The following MIB1 variants were observed in gnomAD, a reference collection of about 807,000 sequenced individuals.
MIB1 encodes the protein E3 ubiquitin-protein ligase MIB1.
MIB1 carries 278 observed loss-of-function variants against 124.5 expected under a neutral mutation model. That is an observed-to-expected ratio of 2.23 (90% CI 2.02 to 2.47). MIB1 has a LOEUF of 2.47. MIB1 is among the 30% of genes most tolerant of loss of function. MIB1 has a pLI of 0.00. For missense variants in MIB1, 957 were observed against 1,254.4 expected (o/e 0.76, Z 3.58); for synonymous variants, 446 against 429.4 (o/e 1.04, Z -0.48).
chr18:21,728,420 G>T (rs970593022), intron 1 of MIB1, among the ~76,000 whole-genome samples: 10 of 152,134 alleles, frequency 6.6e-5, no homozygotes, highest in Non-Finnish European at 1.0e-4. Context: ...TTGAACCCGG[G>T]AGGTGGAGGT....
intron 12 of MIB1, among the ~76,000 whole-genome samples, chr18:21,837,229 C>T (rs2042041446): frequency 6.6e-6 from 1 of 152,160 alleles, no homozygotes; most frequent in East Asian, 1.9e-4. Flanking sequence ...TAATAAAAGG[C>T]CGGGCGCAGT....
At chr18:21,734,780 C>T (rs940698424) in intron 1 of MIB1, among the ~76,000 whole-genome samples, 14 of 152,290 alleles carry the variant, frequency 9.2e-5, no homozygotes, top group Middle Eastern at 3.4e-3. Flanking sequence ...CCATCCGCCT[C>T]GGCCTCCCAC....
chr18:21,822,499 G>A (rs911998223), intron 12 of MIB1, among the ~76,000 whole-genome samples: 1 of 152,124 alleles, frequency 6.6e-6, no homozygotes, highest in African/African-American at 2.4e-5. Flanking sequence ...ACAAAGTAGT[G>A]CTTCAGTTAA....
At chr18:21,844,548 A>G (rs373730139) in intron 15 of MIB1, among the ~76,000 whole-genome samples, 1 of 151,748 alleles carries the variant, frequency 6.6e-6, no homozygotes, top group Non-Finnish European at 1.5e-5. Flanking sequence ...TCTTGCCTCA[A>G]CCTCCCAAGT....
intron 13 of MIB1, among the ~76,000 whole-genome samples, chr18:21,842,756 A>T (rs2042102712): frequency 6.6e-6 from 1 of 152,100 alleles, no homozygotes; most frequent in Non-Finnish European, 1.5e-5. Flanking sequence ...CAGTATGAAG[A>T]CTCATTATTA....
intron 12 of MIB1, among the ~76,000 whole-genome samples, chr18:21,821,220 A>G (rs930717952): frequency 2.6e-5 from 4 of 152,124 alleles, no homozygotes; most frequent in Non-Finnish European, 4.4e-5. Context: ...TACATTTACA[A>G]ATTATCCATT....
At chr18:21,779,784 A>G in intron 6 of MIB1, 99 bp downstream of exon 6, 1 of 929,518 alleles carries the variant, frequency 1.1e-6, no homozygotes, top group Non-Finnish European at 1.7e-6. Flanking sequence ...AATACTCATT[A>G]AAGCTAGCTT....
At chr18:21,820,095 A>G (rs2041865657) in intron 12 of MIB1, among the ~76,000 whole-genome samples, 1 of 152,206 alleles carries the variant, frequency 6.6e-6, no homozygotes, top group Non-Finnish European at 1.5e-5. Flanking sequence ...CTATCCCCTC[A>G]TCCATTGTTA....
rs62090814 is a variant in MIB1 at position 21,790,781 on chromosome 18, G to A, written c.909-593G>A. 7.9e-3 allele frequency among the ~76,000 whole-genome samples: 1,199 copies of A among 152,248 alleles called. 11 individuals carry two copies. The highest frequency in any genetic ancestry group is 0.021 in the Admixed American group (316 of 15,300). On this transcript the variant is annotated intron_variant, in intron 6 of 20. Transcript: ENST00000261537. ...AATGTTTGAATTTTTAACAATAATTGTATATTACTTTTATAACAGTTTTGA... is the reference window on the plus strand; with the variant it reads ...AATGTTTGAATTTTTAACAATAATTATATATTACTTTTATAACAGTTTTGA...
chr18:21,710,827 AT>A (rs34702356), intron 1 of MIB1, among the ~76,000 whole-genome samples: 25,972 of 116,744 alleles, frequency 0.22, 1,910 homozygotes, highest in African/African-American at 0.34. Context: ...TAATTGACTG[AT>A]TTTTTTTTTT....
chr18:21,839,661 G>T (rs2042064061), intron 13 of MIB1, among the ~76,000 whole-genome samples: 1 of 152,062 alleles, frequency 6.6e-6, no homozygotes, highest in Non-Finnish European at 1.5e-5. Context: ...ACCATGCCTG[G>T]CTTTTATTTA....
chr18:21,822,934 T>TA (rs2041892065), intron 12 of MIB1, among the ~76,000 whole-genome samples: 2 of 151,874 alleles, frequency 1.3e-5, no homozygotes, highest in South Asian at 4.2e-4. Context: ...ACCCTGTCTC[T>TA]AAAAAATTAA....
chr18:21,766,566 G>A (rs1042848407), intron 2 of MIB1, among the ~76,000 whole-genome samples: 1 of 152,126 alleles, frequency 6.6e-6, no homozygotes, highest in African/African-American at 2.4e-5. Flanking sequence ...GCAAAGGAGC[G>A]AGAATCCAGC....
intron 7 of MIB1, among the ~76,000 whole-genome samples, chr18:21,797,841 A>G (rs576994907): frequency 1.2e-4 from 19 of 152,250 alleles, no homozygotes; most frequent in African/African-American, 4.3e-4. Context: ...ATGAACTCGT[A>G]TGAATAGGAT....
At chr18:21,770,607 A>G (rs1214961792) in intron 3 of MIB1, among the ~76,000 whole-genome samples, 2 of 152,154 alleles carry the variant, frequency 1.3e-5, no homozygotes, top group African/African-American at 4.8e-5. Flanking sequence ...GGCATGAGCC[A>G]CCGCGCCCAG....
chr18:21,809,899 A>G (rs905176590), intron 10 of MIB1, among the ~76,000 whole-genome samples: 36 of 152,130 alleles, frequency 2.4e-4, no homozygotes, highest in African/African-American at 7.5e-4. Context: ...GACCAGAGCA[A>G]TTAGGCAAGA....
intron 4 of MIB1, among the ~76,000 whole-genome samples, chr18:21,776,317 CTT>C (rs2041286140): frequency 6.6e-6 from 1 of 151,500 alleles, no homozygotes; most frequent in African/African-American, 2.4e-5. Flanking sequence ...ACCTATGTCT[CTT>C]TGGCCAGGAT....
At chr18:21,707,303 A>ACC (rs2040643082) in intron 1 of MIB1, among the ~76,000 whole-genome samples, 1 of 152,196 alleles carries the variant, frequency 6.6e-6, no homozygotes, top group Non-Finnish European at 1.5e-5. Flanking sequence ...TGTACCAATC[A>ACC]CCACCCTGTC....
chr18:21,730,273 A>G (rs558026382), intron 1 of MIB1, among the ~76,000 whole-genome samples: 5 of 152,304 alleles, frequency 3.3e-5, no homozygotes, highest in Admixed American at 2.6e-4. Context: ...ACGTTTAAAA[A>G]AATTAACACT....
Sources: allele counts gnomAD v4.1 joint callset (sites outside exome capture counted in the v4.1 genomes callset), GRCh38; gene constraint gnomAD v4.1.1; transcripts MANE v1.5; gene names NCBI Gene and HGNC (gene_info 2026-07-23, HGNC 2026-07-21).